Variants in DMRT1 observed in about 807,000 individuals in gnomAD.
The protein encoded by DMRT1 is doublesex- and mab-3-related transcription factor 1.
Under a neutral mutation model 32.3 loss-of-function variants are expected in DMRT1, and 7 were observed. The ratio of observed to expected loss-of-function variants is 0.22; its 90% confidence interval spans 0.12 to 0.41. The LOEUF is 0.41. Among genes scored for constraint, DMRT1 ranks in the 10% least tolerant of loss-of-function variants. The pLI, the probability that DMRT1 is intolerant of heterozygous loss-of-function variation, is 1.00. For missense variants in DMRT1, 625 were observed against 500.5 expected (o/e 1.25, Z -2.37); for synonymous variants, 278 against 206.1 (o/e 1.35, Z -2.99).
intron 2 of DMRT1, among the ~76,000 whole-genome samples, chr9:868,783 G>T (rs1448455848): frequency 6.6e-6 from 1 of 152,216 alleles, no homozygotes; most frequent in Admixed American, 6.5e-5. Context: ...GCCAAGGCAG[G>T]TAGATGGCTT....
chr9:875,099 C>T (rs537756658), intron 2 of DMRT1, among the ~76,000 whole-genome samples: 5 of 152,228 alleles, frequency 3.3e-5, no homozygotes, highest in South Asian at 2.1e-4. Flanking sequence ...CGTGAGCCAC[C>T]GCGCCCGGCC....
chr9:849,580 A>C (rs1190750537), intron 2 of DMRT1, among the ~76,000 whole-genome samples: 1 of 152,168 alleles, frequency 6.6e-6, no homozygotes, highest in Non-Finnish European at 1.5e-5. Context: ...GGTGATAGGG[A>C]AAGTTACAAA....
chr9:921,035 C>T (rs1365177572), intron 4 of DMRT1, among the ~76,000 whole-genome samples: 4 of 152,196 alleles, frequency 2.6e-5, no homozygotes, highest in African/African-American at 7.2e-5. Context: ...ATCCACCTAA[C>T]ATTAACTATT....
intron 3 of DMRT1, among the ~76,000 whole-genome samples, chr9:903,363 C>T (rs953336316): frequency 5.9e-5 from 9 of 152,106 alleles, no homozygotes; most frequent in Non-Finnish European, 1.2e-4. Flanking sequence ...GCACTTTCAC[C>T]AAGGAGTTCC....
intron 3 of DMRT1, among the ~76,000 whole-genome samples, chr9:916,509 C>T (rs1034493202): frequency 1.1e-4 from 16 of 152,070 alleles, no homozygotes; most frequent in Admixed American, 8.5e-4. Flanking sequence ...TAGCTGAGAT[C>T]TCACTCGTGC....
rs533575697 is a variant in DMRT1 at position 847,126 on chromosome 9, C to A, written c.521C>A (p.Pro174His). Residue 174 changes from proline (P) to histidine (H), a missense_variant, in exon 2 of 5, where the codon CCC becomes CAC. Physicochemically the swap from Pro to His is moderately conservative, Grantham distance 77 (BLOSUM62 -2). Around this residue, in one of 3 missense-constraint regions of DMRT1, gnomAD observed 416 missense variants for 321.6 expected, o/e 1.29. Coordinates refer to ENST00000382276, the MANE Select transcript of DMRT1 (RefSeq NM_021951.3). ...TCTCAGCCACCGCCGGCCAGTGTCC[C>A]CACCACTGCAGCTTCAGGTAATCTG... ...GTSQPPPASV[P>H]TTAASEGRMV... 2.5e-5 allele frequency: 41 copies of A among 1,613,096 alleles called. No homozygotes were observed. The Admixed American group carries it at 6.5e-4, about 26-fold the overall frequency.
chr9:903,952 C>T (rs1315421757), intron 3 of DMRT1, among the ~76,000 whole-genome samples: 1 of 152,176 alleles, frequency 6.6e-6, no homozygotes, highest in Non-Finnish European at 1.5e-5. Flanking sequence ...GGCTGTCCTA[C>T]AGATTCATTT....
intron 4 of DMRT1, among the ~76,000 whole-genome samples, chr9:919,116 A>AAAG (rs1289586487): frequency 6.6e-6 from 1 of 152,166 alleles, no homozygotes; most frequent in Non-Finnish European, 1.5e-5. Context: ...GCTCATAACC[A>AAAG]GTTACATGTG....
chr9:873,676 AG>A (rs1816373399), intron 2 of DMRT1, among the ~76,000 whole-genome samples: 1 of 152,174 alleles, frequency 6.6e-6, no homozygotes, highest in Non-Finnish European at 1.5e-5. Context: ...AGTGAAATAA[AG>A]GAAGGGAAAC....
intron 4 of DMRT1, among the ~76,000 whole-genome samples, chr9:929,613 G>T (rs1291234308): frequency 1.3e-5 from 2 of 151,880 alleles, no homozygotes; most frequent in Non-Finnish European, 2.9e-5. Context: ...CTATTATACA[G>T]GCTAGACACA....
At chr9:845,918 TTC>T (rs1263236942) in intron 1 of DMRT1, among the ~76,000 whole-genome samples, 1 of 152,214 alleles carries the variant, frequency 6.6e-6, no homozygotes, top group African/African-American at 2.4e-5. Context: ...TGAAAGACAT[TTC>T]TCTCTCTGAC....
intron 4 of DMRT1, among the ~76,000 whole-genome samples, chr9:950,203 C>A (rs980225584): frequency 6.6e-6 from 1 of 152,062 alleles, no homozygotes; most frequent in Non-Finnish European, 1.5e-5. Context: ...GGCAAACCTG[C>A]AACTCAGTTG....
At chr9:873,832 C>G (rs146507837) in intron 2 of DMRT1, among the ~76,000 whole-genome samples, 81 of 152,144 alleles carry the variant, frequency 5.3e-4, no homozygotes, top group Non-Finnish European at 1.0e-3. Context: ...AGGGAGAGAA[C>G]AGACAATGCA....
Position 968,328 on chromosome 9 carries a change from T to C in DMRT1, c.*189T>C. 1 of 655,580 alleles carries C rather than the reference T, an allele frequency of 1.5e-6. No homozygotes were observed. The highest frequency in any genetic ancestry group is 2.6e-6 in the Non-Finnish European group (1 of 385,696). The allele number at this position is 655,580 out of a possible 1,614,324, so 40.6% of individuals were successfully genotyped here. A position where few individuals can be genotyped will look rare whatever the true frequency, so the allele number is the denominator to read the frequency against. The stretch of plus-strand genomic sequence containing the variant: ...TACTTTAGGGTCCGTGACTACCATC[T>C]GCATGGTTTAAGTGCTTTACTCACG... On this transcript the variant is annotated 3_prime_UTR_variant, in exon 5 of 5. Coordinates refer to ENST00000382276, the MANE Select transcript of DMRT1 (RefSeq NM_021951.3).
At chr9:962,238 T>G (rs1039325568) in intron 4 of DMRT1, among the ~76,000 whole-genome samples, 1 of 152,118 alleles carries the variant, frequency 6.6e-6, no homozygotes, top group East Asian at 1.9e-4. Context: ...CTTGCTCACC[T>G]CTGAGAGGGT....
At chr9:930,480 C>CT (rs1564258808) in intron 4 of DMRT1, among the ~76,000 whole-genome samples, 1 of 151,756 alleles carries the variant, frequency 6.6e-6, no homozygotes, top group Non-Finnish European at 1.5e-5. Context: ...GGTGCGATCT[C>CT]GGCTCACTGC....
intron 1 of DMRT1, among the ~76,000 whole-genome samples, chr9:843,468 G>A (rs1472636472): frequency 6.6e-6 from 1 of 152,208 alleles, no homozygotes; most frequent in South Asian, 2.1e-4. Flanking sequence ...TTTAAAGCAC[G>A]CTTAAGAATT....
chr9:888,130 A>C (rs1409808279), intron 2 of DMRT1, among the ~76,000 whole-genome samples: 1 of 152,188 alleles, frequency 6.6e-6, no homozygotes, highest in Non-Finnish European at 1.5e-5. Flanking sequence ...AACTGGAATA[A>C]GCATTTGAAT....
intron 2 of DMRT1, among the ~76,000 whole-genome samples, chr9:883,775 C>G (rs1003755025): frequency 6.8e-6 from 1 of 148,020 alleles, no homozygotes; most frequent in Non-Finnish European, 1.5e-5. Flanking sequence ...CTGGGCGGAG[C>G]AAGACCTGTT....
Sources: gnomAD v4.1 joint callset for allele counts (sites outside exome capture counted in the v4.1 genomes callset) on GRCh38, gnomAD v4.1.1 for gene constraint, gnomAD v4.1.1 regional missense constraint, MANE v1.5 for transcripts, NCBI Gene and HGNC (gene_info 2026-07-23, HGNC 2026-07-21) for gene names.